Variants in COL10A1 observed in about 807,000 individuals in gnomAD.
COL10A1 encodes collagen type X alpha 1 chain.
In COL10A1, 10 loss-of-function variants were observed where a neutral mutation model predicts 18.2. The observed-to-expected ratio is 0.55, with a 90% CI of 0.34 to 0.93. COL10A1 has a LOEUF of 0.93. COL10A1 is among the 40% of genes least tolerant of loss of function. The pLI, the probability that COL10A1 is intolerant of heterozygous loss-of-function variation, is 0.02. For synonymous variants in COL10A1, 330 were observed against 316.6 expected, an observed-to-expected ratio of 1.04 and a Z score of -0.45; for missense variants, 897 against 853.5, an observed-to-expected ratio of 1.05 and a Z score of -0.64.
chr6:116,132,267 C>T (rs756939195), intron 1 of COL10A1, among the ~76,000 whole-genome samples: 17 of 152,018 alleles, frequency 1.1e-4, no homozygotes, highest in Non-Finnish European at 2.1e-4. Flanking sequence ...TAATTTTTGT[C>T]CACCTTAGAG....
At chr6:116,144,914 G>A (rs76278940) in intron 1 of COL10A1, among the ~76,000 whole-genome samples, 4,398 of 152,274 alleles carry the variant, frequency 0.029, 239 homozygotes, top group African/African-American at 0.099. Flanking sequence ...GGCTGATGGC[G>A]TTGAAAGTTA....
upstream of COL10A1, among the ~76,000 whole-genome samples, chr6:116,126,666 A>G (rs941649229): frequency 2.6e-5 from 4 of 152,162 alleles, no homozygotes; most frequent in Non-Finnish European, 5.9e-5. Context: ...TAGATCCCTT[A>G]TTCACAACAC....
At chr6:116,215,642 T>G in the COL10A1 span, among the ~76,000 whole-genome samples, 2 of 152,282 alleles carry the variant, frequency 1.3e-5, no homozygotes, top group South Asian at 4.1e-4. Context: ...CACATTTACG[T>G]TGTCTGTCCA....
At chr6:116,126,704 A>G (rs1236552263), upstream of COL10A1, among the ~76,000 whole-genome samples, 1 of 152,066 alleles carries the variant, frequency 6.6e-6, no homozygotes, top group Non-Finnish European at 1.5e-5. Flanking sequence ...ATGACTTCAG[A>G]TTTTCTTGCT....
the COL10A1 span, among the ~76,000 whole-genome samples, chr6:116,174,011 AT>A: frequency 6.6e-6 from 1 of 152,200 alleles, no homozygotes; most frequent in Non-Finnish European, 1.5e-5. Context: ...CACGTATTTT[AT>A]AAAATGCCCC....
In COL10A1 at chr6:116,120,615, A is replaced by G. The variant is rs934903944; in HGVS notation, c.1501T>C (p.Ser501Pro). The G allele has an allele frequency of 1.9e-6, 3 of 1,566,434 alleles. No homozygotes were observed. The highest frequency in any genetic ancestry group is 2.6e-6 in the Non-Finnish European group (3 of 1,162,450). ...GGCCCTGGAAGACCAGGCTCTCCAG[A>G]GTGGCCTCTTGGACCTGGAGGCCCT... is the stretch of plus-strand genomic sequence containing the variant. ...PPGPPGPRGH[S>P]GEPGLPGPPG... The change falls in exon 3 of 3, where the codon TCT becomes CCT. Residue 501 changes from serine to proline, a missense_variant. Physicochemically the swap from Ser to Pro is moderately conservative, Grantham distance 74 (BLOSUM62 -1). Coordinates refer to ENST00000651968, the MANE Select transcript of COL10A1 (RefSeq NM_000493.4).
chr6:116,200,689 A>G, the COL10A1 span, among the ~76,000 whole-genome samples: 1 of 151,946 alleles, frequency 6.6e-6, no homozygotes, highest in East Asian at 1.9e-4. Flanking sequence ...TCATTCCTCA[A>G]CTTCTCTCTC....
chr6:116,149,997 A>G (rs1047393828), intron 1 of COL10A1, among the ~76,000 whole-genome samples: 2 of 152,164 alleles, frequency 1.3e-5, no homozygotes, highest in Non-Finnish European at 2.9e-5. Flanking sequence ...TCCCTTTGAC[A>G]TCTGCCCCCC....
the COL10A1 span, among the ~76,000 whole-genome samples, chr6:116,214,978 T>TG: frequency 6.6e-6 from 1 of 151,874 alleles, no homozygotes; most frequent in African/African-American, 2.4e-5. Context: ...GTCTCTAGGG[T>TG]GGGGGGCATA....
chr6:116,144,494 C>T (rs1779847061), intron 1 of COL10A1, among the ~76,000 whole-genome samples: 2 of 148,808 alleles, frequency 1.3e-5, no homozygotes, highest in South Asian at 2.1e-4. Context: ...AGCGAGACTC[C>T]GTCTCAAAAA....
the COL10A1 span, among the ~76,000 whole-genome samples, chr6:116,216,025 T>A: frequency 6.6e-6 from 1 of 152,160 alleles, no homozygotes; most frequent in East Asian, 1.9e-4. Flanking sequence ...CCAGGAATCC[T>A]CCTTTCAAAG....
At chr6:116,144,842 G>A (rs775064597) in intron 1 of COL10A1, among the ~76,000 whole-genome samples, 2 of 152,102 alleles carry the variant, frequency 1.3e-5, no homozygotes, top group Non-Finnish European at 2.9e-5. Context: ...TGCATGATAG[G>A]AGAATGAGAG....
chr6:116,120,357 C>G lies in COL10A1; in HGVS notation c.1759G>C (p.Gly587Arg). The G allele has an allele frequency of 6.2e-7, 1 of 1,614,206 alleles. No homozygotes were observed. Among genetic ancestry groups the G allele is most frequent in the South Asian group, 1.1e-5 (1 of 91,086 alleles). The change falls in exon 3 of 3, where the codon GGA becomes CGA. Residue 587 changes from glycine (G) to arginine (R), a missense_variant. Physicochemically the swap from Gly to Arg is moderately radical, Grantham distance 125. Coordinates refer to ENST00000651968, the MANE Select transcript of COL10A1 (RefSeq NM_000493.4). ...CCTGGTATCTGACAAGTAAAGATTC[C>G]AGTCCTTGGGTCATAATGCTGTTGC... ...NRQQHYDPRT[G>R]IFTCQIPGIY...
At chr6:116,190,438 G>C in the COL10A1 span, among the ~76,000 whole-genome samples, 1 of 151,934 alleles carries the variant, frequency 6.6e-6, no homozygotes, top group Non-Finnish European at 1.5e-5. Flanking sequence ...ACTTGGATGA[G>C]GGATGAGAGG....
chr6:116,167,206 A>ATTTTTTTTTTTTTTTTTTTTTTTTTTT, the COL10A1 span, among the ~76,000 whole-genome samples: 1 of 87,796 alleles, frequency 1.1e-5, no homozygotes, highest in Non-Finnish European at 2.1e-5. Context: ...CAAATAGAAG[A>ATTTTTTTTTTTTTTTTTTTTTTTTTTT]TTTTTTTTTT....
the COL10A1 span, among the ~76,000 whole-genome samples, chr6:116,165,098 G>GGA: frequency 5.9e-5 from 6 of 101,072 alleles, no homozygotes; most frequent in African/African-American, 2.5e-4. Flanking sequence ...CTCCGTCTCA[G>GGA]AAAAAAAAAA....
the COL10A1 span, among the ~76,000 whole-genome samples, chr6:116,165,648 C>T: frequency 1.3e-5 from 2 of 152,226 alleles, no homozygotes; most frequent in African/African-American, 4.8e-5. Context: ...CTGTTACCAA[C>T]CACCAGTACC....
At chr6:116,163,260 T>G (rs2114433038), upstream of COL10A1, among the ~76,000 whole-genome samples, 1 of 150,508 alleles carries the variant, frequency 6.6e-6, no homozygotes, top group East Asian at 1.9e-4. Flanking sequence ...TTTGTTTGTT[T>G]TGGTTGGTAG....
At chr6:116,193,355 A>G in the COL10A1 span, among the ~76,000 whole-genome samples, 744 of 152,218 alleles carry the variant, frequency 4.9e-3, 8 homozygotes, top group African/African-American at 0.017. Context: ...AACAAAAGGC[A>G]GGAAGAGCCC....
Sources: allele counts gnomAD v4.1 joint callset (sites outside exome capture counted in the v4.1 genomes callset), GRCh38; gene constraint gnomAD v4.1.1; transcripts MANE v1.5; gene names NCBI Gene and HGNC (gene_info 2026-07-23, HGNC 2026-07-21).